The following FCAR variants were observed in gnomAD, a reference collection of about 807,000 sequenced individuals.
The protein encoded by FCAR is immunoglobulin alpha Fc receptor.
Under a neutral mutation model 27.1 loss-of-function variants are expected in FCAR, and 21 were observed. The ratio of observed to expected loss-of-function variants is 0.77; its 90% CI spans 0.55 to 1.11. FCAR has a LOEUF of 1.11. Among genes scored for constraint, FCAR ranks in the 50% most tolerant of loss-of-function variants. The pLI is 0.00. For missense variants in FCAR, 404 were observed against 358.4 expected, an observed-to-expected ratio of 1.13 and a Z score of -1.03; for synonymous variants, 134 against 135.8, an observed-to-expected ratio of 0.99 and a Z score of 0.09.
rs587714597 is a variant in FCAR at position 54,879,081 on chromosome 19, TG to T, written c.70+3718del. On this transcript the variant is annotated intron_variant, in intron 2 of 4. Coordinates refer to ENST00000355524, the MANE Select transcript of FCAR (RefSeq NM_002000.4). ...TATTAGAGATGGGATTTCATCACAT[TG>T]GCCAGGCTAATGTCGAACTCCTGAC... Among the ~76,000 whole-genome samples, 675 of 151,962 alleles carry T rather than the reference TG, an allele frequency of 4.4e-3. 2 individuals are homozygous for T. The highest frequency in any genetic ancestry group is 0.015 in the African/African-American group (625 of 41,434).
chr19:54,881,854 G>C (rs950641501), intron 2 of FCAR, among the ~76,000 whole-genome samples: 4 of 148,078 alleles, frequency 2.7e-5, no homozygotes, highest in African/African-American at 5.0e-5. Flanking sequence ...GCACTGCAGC[G>C]TGGGCGACAG....
Position 54,889,796 on chromosome 19 carries a change from C to T in FCAR, c.797C>T (p.Pro266Leu), listed in dbSNP as rs61735070. Residue 266 changes from proline to leucine, a missense_variant, in exon 5 of 5, where the codon CCG becomes CTG. Coordinates refer to ENST00000355524, the MANE Select transcript of FCAR (RefSeq NM_002000.4). ...NKEASADVAE[P>L]SWSQQMCQPG... Reference sequence around the variant, plus strand: ...GAAGCCTCGGCAGATGTGGCTGAACCGAGCTGGAGCCAACAGATGTGTCAG... The same window carrying T: ...GAAGCCTCGGCAGATGTGGCTGAACTGAGCTGGAGCCAACAGATGTGTCAG... 1,609 of 1,612,858 alleles carry T rather than the reference C, an allele frequency of 1.0e-3. 21 individuals carry two copies. In the African/African-American group the frequency reaches 0.018, roughly 18 times the overall value.
rs753599100 is a variant in FCAR, at chr19:54,885,505, C to A, written c.341C>A (p.Thr114Asn). Residue 114 changes from threonine to asparagine, a missense_variant, in exon 3 of 5, where the codon ACC becomes AAC. Coordinates refer to ENST00000355524, the MANE Select transcript of FCAR (RefSeq NM_002000.4). Reference protein sequence around the residue: ...IGHYRFRYSDTLELVVTGLYG... With the variant: ...IGHYRFRYSDNLELVVTGLYG... Reference sequence around the variant, plus strand: ...CACTACAGGTTCCGGTACAGTGACACCCTGGAGCTGGTAGTGACAGGTAAG... The same window carrying A: ...CACTACAGGTTCCGGTACAGTGACAACCTGGAGCTGGTAGTGACAGGTAAG... 57 of 1,611,904 alleles carry A rather than the reference C, an allele frequency of 3.5e-5. No individual in the cohort carries two copies. Among genetic ancestry groups the A allele is most frequent in the Non-Finnish European group, 4.8e-5 (56 of 1,178,110 alleles).
chr19:54,886,586 G>A (rs1309474880), intron 3 of FCAR, among the ~76,000 whole-genome samples: 8 of 151,968 alleles, frequency 5.3e-5, no homozygotes, highest in Non-Finnish European at 5.9e-5. Context: ...GATTACTGGC[G>A]TGAGCCACCA....
At chr19:54,883,959 CA>C (rs902789233) in intron 2 of FCAR, among the ~76,000 whole-genome samples, 51 of 151,912 alleles carry the variant, frequency 3.4e-4, no homozygotes, top group East Asian at 7.7e-4. Context: ...TTCATCTCAA[CA>C]AAAAAAGAAA....
Position 54,880,362 on chromosome 19 carries a change from C to T in FCAR, c.71-4873C>T, listed in dbSNP as rs587691265. On this transcript the variant is annotated intron_variant, in intron 2 of 4. Coordinates refer to ENST00000355524, the MANE Select transcript of FCAR (RefSeq NM_002000.4). ...TTATTTTGCCATTAATACTTGTGATCGCATTATGAAATCTCGTAGTGTGTT... is the reference window on the plus strand; with the variant it reads ...TTATTTTGCCATTAATACTTGTGATTGCATTATGAAATCTCGTAGTGTGTT... Among the ~76,000 whole-genome samples the T allele has an allele frequency of 1.6e-4, 25 of 152,242 alleles. No individual in the cohort carries two copies. In the South Asian group the frequency reaches 5.0e-3, roughly 30 times the overall value.
chr19:54,890,187 C>G lies in FCAR; in HGVS notation c.*324C>G, dbSNP rs976788225. 3 of 346,150 alleles carry G rather than the reference C, an allele frequency of 8.7e-6. No individual in the cohort carries two copies. The highest frequency in any genetic ancestry group is 1.6e-5 in the Non-Finnish European group (3 of 184,056). 21.4% of individuals were successfully genotyped at this position (346,150 alleles called of 1,614,324 possible). A position where few individuals can be genotyped will look rare whatever the true frequency, so the allele number is the denominator to read the frequency against. On this transcript the variant is annotated 3_prime_UTR_variant, in exon 5 of 5. Transcript: ENST00000355524. ...CAGGCTGGTCTCGAACTCCTGACCTCAGGTGATCCACCCACCTTGGCCTCC... is the reference window on the plus strand; with the variant it reads ...CAGGCTGGTCTCGAACTCCTGACCTGAGGTGATCCACCCACCTTGGCCTCC...
At chr19:54,875,715 G>T (rs1025954192) in intron 2 of FCAR, among the ~76,000 whole-genome samples, 2 of 152,094 alleles carry the variant, frequency 1.3e-5, no homozygotes, top group Non-Finnish European at 2.9e-5. Flanking sequence ...ACTTCCTCCC[G>T]TCACTTCATT....
intron 2 of FCAR, among the ~76,000 whole-genome samples, chr19:54,877,889 G>A (rs1374390499): frequency 6.7e-6 from 1 of 149,044 alleles, no homozygotes; most frequent in Admixed American, 6.7e-5. Flanking sequence ...ACTGTGCTCT[G>A]ATTTCGCTTT....
chr19:54,875,870 G>T (rs2066063792), intron 2 of FCAR, among the ~76,000 whole-genome samples: 1 of 152,182 alleles, frequency 6.6e-6, no homozygotes, highest in Admixed American at 6.5e-5. Context: ...TAATGGGTGT[G>T]AGCCCCACGT....
intron 2 of FCAR, among the ~76,000 whole-genome samples, chr19:54,881,427 C>G (rs921729359): frequency 1.3e-5 from 2 of 152,080 alleles, no homozygotes; most frequent in Non-Finnish European, 2.9e-5. Context: ...CACAGAGAAA[C>G]GCAGACTCAC....
chr19:54,884,598 T>C (rs1601933636), intron 2 of FCAR, among the ~76,000 whole-genome samples: 1 of 151,566 alleles, frequency 6.6e-6, no homozygotes, highest in East Asian at 2.0e-4. Context: ...CACTGCAGCC[T>C]GGGCGACAAA....
At chr19:54,879,639 T>TA (rs1179937287) in intron 2 of FCAR, among the ~76,000 whole-genome samples, 1 of 151,926 alleles carries the variant, frequency 6.6e-6, no homozygotes, top group Admixed American at 6.6e-5. Context: ...ATTCCCTTTG[T>TA]AGGTGACCTG....
chr19:54,885,242 T>C lies in FCAR; in HGVS notation c.78T>C (p.Phe26=). The C allele has an allele frequency of 2.5e-6, 4 of 1,612,794 alleles. No homozygotes were observed. Among genetic ancestry groups the C allele is most frequent in the Non-Finnish European group, 3.4e-6 (4 of 1,178,994 alleles). ...GQRIQAQEGD[F]PMPFISAKSS... is the part of the protein sequence containing the mutation. ...GGCTTTCTTTTCTTCCAGGGGACTTTCCCATGCCTTTCATATCTGCCAAAT... is the reference window on the plus strand; with the variant it reads ...GGCTTTCTTTTCTTCCAGGGGACTTCCCCATGCCTTTCATATCTGCCAAAT... The change falls in exon 3 of 5, where the codon TTT becomes TTC. Residue 26 remains phenylalanine (F), a synonymous_variant. Transcript: ENST00000355524.
At chr19:54,882,201 A>G (rs1040587237) in intron 2 of FCAR, among the ~76,000 whole-genome samples, 3 of 152,186 alleles carry the variant, frequency 2.0e-5, no homozygotes, top group African/African-American at 7.2e-5. Context: ...CTGTGGCATA[A>G]TGACCGGGCC....
rs368702348 is a variant in FCAR at position 54,885,052 on chromosome 19, C to T, written c.71-183C>T. ...TGATATCGTCACCTTGTGATCCACCCGCCTCGGCCTCCCAAAGTGCTGGGA... is the reference window on the plus strand; with the variant it reads ...TGATATCGTCACCTTGTGATCCACCTGCCTCGGCCTCCCAAAGTGCTGGGA... On this transcript the variant is annotated intron_variant, in intron 2 of 4. Transcript: ENST00000355524. Among the ~76,000 whole-genome samples the T allele has an allele frequency of 3.3e-5, 5 of 152,060 alleles. No individual in the cohort carries two copies. The South Asian group carries it at 1.0e-3, about 32-fold the overall frequency.
chr19:54,889,957 G>T lies in FCAR; in HGVS notation c.*94G>T. 2 of 929,126 alleles carry T rather than the reference G, an allele frequency of 2.2e-6. No homozygotes were observed. Among genetic ancestry groups the T allele is most frequent in the East Asian group, 2.5e-5 (1 of 40,802 alleles). The allele number at this position is 929,126 out of a possible 1,614,324, so 57.6% of individuals were successfully genotyped here. A position where few individuals can be genotyped will look rare whatever the true frequency, so the allele number is the denominator to read the frequency against. ...GAGAGAAAAGCTCACTAAGAAGCTT[G>T]AATCTACTTTTTTTTTTTTTTGAGA... On this transcript the variant is annotated 3_prime_UTR_variant, in exon 5 of 5. Coordinates refer to ENST00000355524, the MANE Select transcript of FCAR (RefSeq NM_002000.4).
chr19:54,889,379 AAAAAAAAAAAAAAC>A (rs1309781101), intron 4 of FCAR, among the ~76,000 whole-genome samples: 5 of 148,646 alleles, frequency 3.4e-5, no homozygotes, highest in Non-Finnish European at 7.4e-5. Flanking sequence ...CTCAAAAAAA[AAAAAAAAAAAAAAC>A]ACACACAACC....
chr19:54,875,863 T>A (rs1230465784), intron 2 of FCAR, among the ~76,000 whole-genome samples: 1 of 152,218 alleles, frequency 6.6e-6, no homozygotes, highest in Non-Finnish European at 1.5e-5. Context: ...AGCCTCCTAA[T>A]GGGTGTGAGC....
Sources: gnomAD v4.1 joint callset for allele counts (sites outside exome capture counted in the v4.1 genomes callset) on GRCh38, gnomAD v4.1.1 for gene constraint, MANE v1.5 for transcripts, NCBI Gene and HGNC (gene_info 2026-07-23, HGNC 2026-07-21) for gene names.